Variants in L3MBTL2 observed in about 807,000 individuals in gnomAD.
L3MBTL2 encodes lethal(3)malignant brain tumor-like protein 2.
L3MBTL2 carries 49 observed loss-of-function variants against 86.4 expected under a neutral mutation model. The observed-to-expected ratio is 0.57, with a 90% CI of 0.45 to 0.72. The LOEUF is 0.72. Among genes scored for constraint, L3MBTL2 ranks in the 30% least tolerant of loss-of-function variants. The pLI is 0.00. For synonymous variants in L3MBTL2, 336 were observed against 350.6 expected (o/e 0.96, Z 0.47); for missense variants, 755 against 923.7 (o/e 0.82, Z 2.37).
Position 41,212,548 on chromosome 22 carries a change from C to A in L3MBTL2, c.263-1345C>A, listed in dbSNP as rs1012620600. On this transcript the variant is annotated intron_variant, in intron 2 of 16. Transcript: ENST00000216237. ...GAGTAGCTGGGATTATAGACGCCCA[C>A]CACCGCGCCCGGCCATCTCAGGCAT... Among the ~76,000 whole-genome samples the A allele has an allele frequency of 1.4e-4, 22 of 151,904 alleles. 1 individual carries two copies. The highest frequency in any genetic ancestry group is 1.3e-3 in the Admixed American group (20 of 15,222).
rs2032505756 is a variant in L3MBTL2 at position 41,230,220 on chromosome 22, T to G, written c.2087T>G (p.Val696Gly). The change falls in exon 17 of 17, where the codon GTC becomes GGC. Residue 696 changes from valine to glycine, a missense_variant. Physicochemically the swap from Val to Gly is moderately radical, Grantham distance 109 (BLOSUM62 -3). This residue lies in a region of L3MBTL2 where 634 missense variants were observed against 748.9 expected (regional missense o/e 0.85). Transcript: ENST00000216237. ...TCAAGTCCAGAGCTGCCTGTCTCCG[T>G]CGAGAACATCAAGCAGGAAACAGAC... Reference protein sequence around the residue: ...KASSPELPVSVENIKQETDD With the variant: ...KASSPELPVSGENIKQETDD 13 of 1,613,602 alleles carry G rather than the reference T, an allele frequency of 8.1e-6. No homozygotes were observed. Among genetic ancestry groups the G allele is most frequent in the Non-Finnish European group, 1.1e-5 (13 of 1,179,908 alleles).
chr22:41,229,076 A>C (rs2032398137), intron 15 of L3MBTL2, among the ~76,000 whole-genome samples: 2 of 152,016 alleles, frequency 1.3e-5, no homozygotes, highest in Non-Finnish European at 2.9e-5. Flanking sequence ...TGGGCAACAT[A>C]GCGAGACCCC....
chr22:41,222,934 A>C (rs935999552), intron 8 of L3MBTL2, among the ~76,000 whole-genome samples: 4 of 150,712 alleles, frequency 2.7e-5, no homozygotes, highest in Non-Finnish European at 4.4e-5. Context: ...AAAAAAAAAA[A>C]CAAAAACTAA....
At chr22:41,215,836 G>A (rs1191416052) in intron 3 of L3MBTL2, among the ~76,000 whole-genome samples, 2 of 152,184 alleles carry the variant, frequency 1.3e-5, no homozygotes, top group East Asian at 1.9e-4. Flanking sequence ...TATCAGTAGC[G>A]ACACTGGAGG....
At position 41,214,012 on chromosome 22, in the gene L3MBTL2, T is replaced by C; in HGVS notation, c.382T>C (p.Leu128=). Residue 128 remains leucine, a synonymous_variant, in exon 3 of 17, where the codon TTG becomes CTG. Transcript: ENST00000216237. ...CTCCAACTCCAAGAAAGCCAGTATC[T>C]TGGCTAGGTTACAGGTGAGAGGCAA... is the stretch of plus-strand genomic sequence containing the variant. The part of the protein sequence containing the change: ...YSSNSKKASI[L]ARLQGKPPTK... The C allele has an allele frequency of 6.2e-7, 1 of 1,614,150 alleles. No homozygotes were observed. The highest frequency in any genetic ancestry group is 1.7e-4 in the Middle Eastern group (1 of 6,054).
rs1378108097 is a variant in L3MBTL2, at chr22:41,230,698, T to C, written c.*447T>C. ...TTCTAGAGCAGCTCTCTGAGCAGGATAAGGTCCCCTGACAGTGAGTTGTGT... is the reference window on the plus strand; with the variant it reads ...TTCTAGAGCAGCTCTCTGAGCAGGACAAGGTCCCCTGACAGTGAGTTGTGT... On this transcript the variant is annotated 3_prime_UTR_variant, in exon 17 of 17. Transcript: ENST00000216237. 2 of 162,674 alleles carry C rather than the reference T, an allele frequency of 1.2e-5. No homozygotes were observed. The highest frequency in any genetic ancestry group is 4.8e-5 in the African/African-American group (2 of 41,558). 10.1% of individuals were successfully genotyped at this position (162,674 alleles called of 1,614,324 possible).
intron 16 of L3MBTL2, 65 bp downstream of exon 16, chr22:41,229,721 CCTT>C: frequency 1.2e-6 from 2 of 1,611,884 alleles, no homozygotes; most frequent in East Asian, 4.5e-5. Context: ...CGACCCTTCT[CCTT>C]CCCCACCTGG....
chr22:41,209,528 A>C, intron 1 of L3MBTL2, 168 bp from the exon 2 acceptor site: 1 of 635,476 alleles, frequency 1.6e-6, no homozygotes, highest in Admixed American at 2.6e-5. Flanking sequence ...GAATTGCATC[A>C]TGGTGGAGAA....
chr22:41,227,949 A>C lies in L3MBTL2; in HGVS notation c.1888+80A>C. The C allele has an allele frequency of 6.4e-7, 1 of 1,559,206 alleles. No homozygotes were observed. Among genetic ancestry groups the C allele is most frequent in the Non-Finnish European group, 8.7e-7 (1 of 1,152,430 alleles). ...GCGTCCCTGGGAGCAGGCGGGGGTC[A>C]GCCCCCAGGCACTGGTTCCCAGGTG... On this transcript the variant is annotated intron_variant, in intron 15 of 16. Coordinates refer to ENST00000216237, the MANE Select transcript of L3MBTL2 (RefSeq NM_031488.5). This position sits in a 1 kb window ranked among gnomAD's most constrained non-coding sequence, Gnocchi z 6.0.
chr22:41,227,440 C>CCACTTTAAGTAGAGAGTGAGCCCCGTCA lies in L3MBTL2; in HGVS notation c.1822+119_1822+146dup. On this transcript the variant is annotated intron_variant, in intron 14 of 16. Coordinates refer to ENST00000216237, the MANE Select transcript of L3MBTL2 (RefSeq NM_031488.5). This position sits in a 1 kb window ranked among gnomAD's most constrained non-coding sequence, Gnocchi z 6.0. ...GCATGAGGTGGAGATGTCTCATGGA[C>CCACTTTAAGTAGAGAGTGAGCCCCGTCA]CACTTTAAGTAGAGAGTGAGCCCCG... 1.7e-6 allele frequency: 2 copies of CCACTTTAAGTAGAGAGTGAGCCCCGTCA among 1,206,720 alleles called. No individual in the cohort carries two copies. The highest frequency in any genetic ancestry group is 2.4e-6 in the Non-Finnish European group (2 of 837,478). The allele number at this position is 1,206,720 out of a possible 1,614,324, so 74.8% of individuals were successfully genotyped here. A position where few individuals can be genotyped will look rare whatever the true frequency, so the allele number is the denominator to read the frequency against.
Position 41,224,953 on chromosome 22 carries a change from C to T in L3MBTL2, c.1252-14C>T. The T allele has an allele frequency of 1.2e-6, 2 of 1,610,474 alleles. No homozygotes were observed. The highest frequency in any genetic ancestry group is 1.7e-6 in the Non-Finnish European group (2 of 1,177,258). Reference sequence around the variant, plus strand: ...GCCTGCCCAGGGAGTCCCCAGCTGTCCCATTCCTTTAAGGTACGAGCAGTC... The same window carrying T: ...GCCTGCCCAGGGAGTCCCCAGCTGTTCCATTCCTTTAAGGTACGAGCAGTC... On this transcript the variant is annotated splice_polypyrimidine_tract_variant and intron_variant, in intron 10 of 16. Coordinates refer to ENST00000216237, the MANE Select transcript of L3MBTL2 (RefSeq NM_031488.5). The surrounding 1 kb of genome is among the most constrained non-coding windows in gnomAD (Gnocchi z 4.9).
At chr22:41,216,624 CCTCT>C (rs2031385999) in intron 4 of L3MBTL2, among the ~76,000 whole-genome samples, 1 of 152,130 alleles carries the variant, frequency 6.6e-6, no homozygotes, top group Non-Finnish European at 1.5e-5. Flanking sequence ...AGGAAAGGAG[CCTCT>C]CTCTGAGTGT....
At chr22:41,208,931 C>T (rs1055114557) in intron 1 of L3MBTL2, among the ~76,000 whole-genome samples, 4 of 151,786 alleles carry the variant, frequency 2.6e-5, no homozygotes, top group African/African-American at 4.8e-5. Flanking sequence ...TTAGTAGAGA[C>T]GGGGTTTCAC....
chr22:41,217,185 G>A lies in L3MBTL2; in HGVS notation c.583G>A (p.Val195Ile), dbSNP rs756220378. The change falls in exon 5 of 17, where the codon GTC becomes ATC. Residue 195 changes from valine to isoleucine, a missense_variant. Transcript: ENST00000216237. ...LKDHSYKAAP[V>I]SCFKHVPLYD... Reference sequence around the variant, plus strand: ...GGATCACAGTTACAAGGCTGCTCCCGTCAGCTGTTTCAAGCACGTGAGTGC... The same window carrying A: ...GGATCACAGTTACAAGGCTGCTCCCATCAGCTGTTTCAAGCACGTGAGTGC... 1.2e-6 allele frequency: 2 copies of A among 1,613,404 alleles called. No homozygotes were observed. Among genetic ancestry groups the A allele is most frequent in the African/African-American group, 1.3e-5 (1 of 75,042 alleles).
chr22:41,213,163 G>A lies in L3MBTL2; in HGVS notation c.263-730G>A, dbSNP rs565315096. On this transcript the variant is annotated intron_variant, in intron 2 of 16. Coordinates refer to ENST00000216237, the MANE Select transcript of L3MBTL2 (RefSeq NM_031488.5). ...ACCCGGGAGGCAGAGCTTGCAGTGAGCCAAGATTGCGCCAGTGTACTACTC... is the reference window on the plus strand; with the variant it reads ...ACCCGGGAGGCAGAGCTTGCAGTGAACCAAGATTGCGCCAGTGTACTACTC... Among the ~76,000 whole-genome samples the A allele has an allele frequency of 3.2e-3, 484 of 152,320 alleles. 4 individuals are homozygous for A. Among genetic ancestry groups the A allele is most frequent in the African/African-American group, 0.011 (462 of 41,564 alleles).
chr22:41,222,202 C>A (rs1304323490), intron 8 of L3MBTL2, among the ~76,000 whole-genome samples: 1 of 152,246 alleles, frequency 6.6e-6, no homozygotes, highest in African/African-American at 2.4e-5. Flanking sequence ...CATGCCCAGC[C>A]TTACATACTT....
intron 2 of L3MBTL2, 89 bp downstream of exon 2, chr22:41,210,022 A>T: frequency 6.6e-7 from 1 of 1,523,294 alleles, no homozygotes; most frequent in Non-Finnish European, 8.8e-7. Flanking sequence ...GGGCAGAGCC[A>T]TCCAGATGTA....
intron 7 of L3MBTL2, 75 bp downstream of exon 7, chr22:41,220,943 G>T: frequency 6.7e-7 from 1 of 1,502,748 alleles, no homozygotes; most frequent in Non-Finnish European, 9.1e-7. Context: ...GCTTGTGTTA[G>T]GTAGAATGGG....
rs980940584 is a variant in L3MBTL2, at chr22:41,213,720, T to C, written c.263-173T>C. ...GCCAAGCAGCAGCACTTCATTCAGGTAGATTCAGGATATACACACCAGTAC... is the reference window on the plus strand; with the variant it reads ...GCCAAGCAGCAGCACTTCATTCAGGCAGATTCAGGATATACACACCAGTAC... On this transcript the variant is annotated intron_variant, in intron 2 of 16. Coordinates refer to ENST00000216237, the MANE Select transcript of L3MBTL2 (RefSeq NM_031488.5). 9 of 649,842 alleles carry C rather than the reference T, an allele frequency of 1.4e-5. No homozygotes were observed. In the Admixed American group the frequency reaches 1.6e-4, roughly 11 times the overall value. 40.3% of individuals were successfully genotyped at this position (649,842 alleles called of 1,614,324 possible). A position where few individuals can be genotyped will look rare whatever the true frequency, so the allele number is the denominator to read the frequency against.
Sources: allele counts gnomAD v4.1 joint callset (sites outside exome capture counted in the v4.1 genomes callset), GRCh38; gene constraint gnomAD v4.1.1; regional missense constraint gnomAD v4.1.1; non-coding constraint Gnocchi (gnomAD v3.1); transcripts MANE v1.5; gene names NCBI Gene and HGNC (gene_info 2026-07-23, HGNC 2026-07-21).